The following IL1RAPL1 variants were observed in gnomAD, a reference collection of about 807,000 sequenced individuals.
IL1RAPL1 encodes interleukin-1 receptor accessory protein-like 1.
Under a neutral mutation model 48.4 loss-of-function variants are expected in IL1RAPL1, and 3 were observed. The ratio of observed to expected loss-of-function variants is 0.06; its 90% confidence interval spans 0.03 to 0.16. IL1RAPL1 has a LOEUF of 0.16. Ranked by LOEUF, IL1RAPL1 falls within the 10% of genes least tolerant of loss-of-function variation. The pLI is 1.00. For missense variants in IL1RAPL1, 349 were observed against 530.6 expected, an observed-to-expected ratio of 0.66 and a Z score of 3.36; for synonymous variants, 185 against 187.7, an observed-to-expected ratio of 0.99 and a Z score of 0.12.
chrX:29,754,180 A>G (rs1928557534), intron 6 of IL1RAPL1, among the ~76,000 whole-genome samples: 1 of 111,256 alleles, frequency 9.0e-6, no homozygotes, highest in Admixed American at 9.6e-5. Flanking sequence ...CTTTTTCTTG[A>G]CCTTCAGGCC....
chrX:29,647,778 A>G (rs1318583742), intron 5 of IL1RAPL1, among the ~76,000 whole-genome samples: 1 of 111,937 alleles, frequency 8.9e-6, no homozygotes, highest in African/African-American at 3.2e-5. Context: ...CAGTGAAAAT[A>G]ATGGCAGTAG....
chrX:29,041,442 TTATAGTC>T (rs1257513773), intron 2 of IL1RAPL1, among the ~76,000 whole-genome samples: 1 of 112,056 alleles, frequency 8.9e-6, no homozygotes, highest in Non-Finnish European at 1.9e-5. Context: ...TCTAAGGAGC[TTATAGTC>T]TAGTTTATCT....
intron 2 of IL1RAPL1, among the ~76,000 whole-genome samples, chrX:29,169,970 A>G (rs1320738849): frequency 9.0e-6 from 1 of 111,259 alleles, no homozygotes; most frequent in Non-Finnish European, 1.9e-5. Context: ...TTGCATTTCA[A>G]TCCACATTTC....
intron 6 of IL1RAPL1, among the ~76,000 whole-genome samples, chrX:29,853,967 G>A (rs1163349337): frequency 1.8e-5 from 2 of 112,171 alleles, no homozygotes; most frequent in African/African-American, 6.5e-5. Flanking sequence ...CTGATTAAAA[G>A]TGACTAACGT....
chrX:29,952,549 T>G (rs1209383565), intron 9 of IL1RAPL1, among the ~76,000 whole-genome samples: 1 of 112,196 alleles, frequency 8.9e-6, no homozygotes, highest in African/African-American at 3.2e-5. Flanking sequence ...TTTAATTAAT[T>G]ATTAACCGAT....
At chrX:29,228,372 TGA>T (rs199933302) in intron 2 of IL1RAPL1, among the ~76,000 whole-genome samples, 1,357 of 103,312 alleles carry the variant, frequency 0.013, 45 homozygotes, top group African/African-American at 0.044. Flanking sequence ...TGTGTGTGTG[TGA>T]GACAGAGTCT....
chrX:29,678,500 A>G (rs182057721), intron 6 of IL1RAPL1, among the ~76,000 whole-genome samples: 7,244 of 103,426 alleles, frequency 0.07, 640 homozygotes, highest in African/African-American at 0.25. Flanking sequence ...GACTAGAGGC[A>G]CCCGCCACCA....
intron 2 of IL1RAPL1, among the ~76,000 whole-genome samples, chrX:29,280,776 C>A (rs756396895): frequency 1.8e-5 from 2 of 110,997 alleles, no homozygotes; most frequent in East Asian, 5.7e-4. Flanking sequence ...AGCAATAGGT[C>A]TTGTGAAAAA....
At chrX:28,599,893 T>C (rs1934001712) in intron 1 of IL1RAPL1, among the ~76,000 whole-genome samples, 1 of 111,911 alleles carries the variant, frequency 8.9e-6, no homozygotes, top group South Asian at 3.8e-4. Flanking sequence ...TTCTAAAGAT[T>C]TGATGGTCCT....
chrX:29,451,448 G>A (rs1202137675), intron 5 of IL1RAPL1, among the ~76,000 whole-genome samples: 1 of 111,172 alleles, frequency 9.0e-6, no homozygotes, highest in Non-Finnish European at 1.9e-5. Flanking sequence ...GCGTGACTTG[G>A]CCTCCCAAAG....
chrX:28,622,090 C>T (rs1458409767), intron 1 of IL1RAPL1, among the ~76,000 whole-genome samples: 5 of 111,128 alleles, frequency 4.5e-5, no homozygotes, highest in Non-Finnish European at 9.4e-5. Context: ...TAGAAAAGTA[C>T]TATAAGAATA....
chrX:28,722,104 T>C (rs1935592329), intron 1 of IL1RAPL1, among the ~76,000 whole-genome samples: 1 of 112,025 alleles, frequency 8.9e-6, no homozygotes, highest in South Asian at 3.7e-4. Context: ...ATATGAACTT[T>C]AAAGTAGCTT....
chrX:29,159,994 A>C (rs1461680079), intron 2 of IL1RAPL1, among the ~76,000 whole-genome samples: 1 of 112,002 alleles, frequency 8.9e-6, no homozygotes, highest in Non-Finnish European at 1.9e-5. Flanking sequence ...TATAGGTGTG[A>C]GCCACAGCAC....
At chrX:28,961,886 A>AT (rs1172441642) in intron 2 of IL1RAPL1, among the ~76,000 whole-genome samples, 1 of 111,686 alleles carries the variant, frequency 9.0e-6, no homozygotes, top group Non-Finnish European at 1.9e-5. Flanking sequence ...ATACCATTTA[A>AT]TTTTTTTGAG....
intron 2 of IL1RAPL1, among the ~76,000 whole-genome samples, chrX:29,101,117 C>G (rs752059638): frequency 1.8e-5 from 2 of 111,321 alleles, no homozygotes; most frequent in East Asian, 5.7e-4. Flanking sequence ...GCCAGACTAA[C>G]TAAGAAAAAG....
chrX:29,610,810 C>T (rs1237484752), intron 5 of IL1RAPL1, among the ~76,000 whole-genome samples: 1 of 111,920 alleles, frequency 8.9e-6, no homozygotes, highest in African/African-American at 3.3e-5. Context: ...GCTCCTGCCC[C>T]ACAGTGGCGT....
intron 2 of IL1RAPL1, among the ~76,000 whole-genome samples, chrX:28,842,455 G>A (rs984302619): frequency 9.1e-6 from 1 of 110,230 alleles, no homozygotes; most frequent in African/African-American, 3.3e-5. Flanking sequence ...CTTTGACCTC[G>A]GCCAAATTCC....
intron 2 of IL1RAPL1, among the ~76,000 whole-genome samples, chrX:28,965,848 C>G (rs780920701): frequency 9.0e-6 from 1 of 111,619 alleles, no homozygotes; most frequent in Non-Finnish European, 1.9e-5. Flanking sequence ...TTTCTCGTGA[C>G]GAATGATGTA....
At chrX:28,898,363 G>A (rs1217745224) in intron 2 of IL1RAPL1, among the ~76,000 whole-genome samples, 11 of 111,827 alleles carry the variant, frequency 9.8e-5, no homozygotes, top group African/African-American at 3.6e-4. Context: ...AATTTCTCCT[G>A]TATTTTCTTC....
Sources: allele counts gnomAD v4.1 joint callset (sites outside exome capture counted in the v4.1 genomes callset), GRCh38; gene constraint gnomAD v4.1.1; transcripts MANE v1.5; gene names NCBI Gene and HGNC (gene_info 2026-07-23, HGNC 2026-07-21).